The following SAMD3 variants were observed in gnomAD, a reference collection of about 807,000 sequenced individuals.
The protein encoded by SAMD3 is sterile alpha motif domain-containing protein 3.
Under a neutral mutation model 58.5 loss-of-function variants are expected in SAMD3, and 63 were observed. The ratio of observed to expected loss-of-function variants is 1.08; its 90% CI spans 0.88 to 1.33. The LOEUF is 1.33. Ranked by LOEUF, SAMD3 falls within the 40% of genes most tolerant of loss-of-function variation. The probability of loss-of-function intolerance (pLI) is 0.00; values close to 1 mark genes in which losing one functional copy is unlikely to be tolerated. For missense variants in SAMD3, 604 were observed against 608.4 expected (o/e 0.99, Z 0.08); for synonymous variants, 220 against 210.3 (o/e 1.05, Z -0.40).
intron 5 of SAMD3, among the ~76,000 whole-genome samples, chr6:130,195,306 C>A (rs551256019): frequency 6.6e-6 from 1 of 152,242 alleles, no homozygotes; most frequent in South Asian, 2.1e-4. Context: ...AACCTAATCA[C>A]CTTTGCCCTG....
At chr6:130,151,725 G>A (rs1222609878) in intron 9 of SAMD3, among the ~76,000 whole-genome samples, 1 of 152,204 alleles carries the variant, frequency 6.6e-6, no homozygotes, top group African/African-American at 2.4e-5. Context: ...ACAGGCATGA[G>A]CCACCATGCC....
chr6:130,327,908 A>G (rs1163234162), intron 1 of SAMD3, among the ~76,000 whole-genome samples: 5 of 152,344 alleles, frequency 3.3e-5, no homozygotes, highest in South Asian at 2.1e-4. Flanking sequence ...TTAATTAAAA[A>G]GCATTTTTTC....
upstream of SAMD3, chr6:130,365,597 A>T (rs937408481): frequency 6.1e-6 from 6 of 985,278 alleles, no homozygotes; most frequent in African/African-American, 1.0e-4. Flanking sequence ...GCTCCGGAGA[A>T]CTGGGGGAGC....
Position 130,215,697 on chromosome 6 carries a change from T to A in SAMD3, c.-21-403A>T, listed in dbSNP as rs890368860. The A allele has an allele frequency of 4.1e-6, 6 of 1,450,606 alleles. No homozygotes were observed. In the Admixed American group the frequency reaches 1.5e-4, roughly 37 times the overall value. 89.9% of individuals were successfully genotyped at this position (1,450,606 alleles called of 1,614,324 possible). A position where few individuals can be genotyped will look rare whatever the true frequency, so the allele number is the denominator to read the frequency against. On this transcript the variant is annotated intron_variant, in intron 2 of 11. Coordinates refer to ENST00000439090, the MANE Select transcript of SAMD3 (RefSeq NM_001017373.4). ...AGGCTCCTCAGGAAGTGGTTGACAT[T>A]TACAGAAGGGGTGGGCAGGAGAGGA... is the stretch of plus-strand genomic sequence containing the variant.
chr6:130,248,697 G>A (rs1357272681), intron 2 of SAMD3, among the ~76,000 whole-genome samples: 1 of 152,152 alleles, frequency 6.6e-6, no homozygotes, highest in African/African-American at 2.4e-5. Context: ...AATTAGTGCT[G>A]ACCGAAACCA....
At chr6:130,327,213 G>A (rs1325476918) in intron 1 of SAMD3, among the ~76,000 whole-genome samples, 2 of 152,064 alleles carry the variant, frequency 1.3e-5, no homozygotes, top group Non-Finnish European at 2.9e-5. Flanking sequence ...TGAAAAATAA[G>A]CATTGGCATG....
In SAMD3 at chr6:130,228,542, G is replaced by A. The variant is rs150390595; in HGVS notation, c.-187-5729C>T. On this transcript the variant is annotated intron_variant, in intron 2 of 13. Transcript: ENST00000368134. ...AGCTTCCATATCTGTCCAATTACATGAGCATTTCAAGAGGGTGGGTCATAG... is the reference window on the plus strand; with the variant it reads ...AGCTTCCATATCTGTCCAATTACATAAGCATTTCAAGAGGGTGGGTCATAG... 3.9e-5 allele frequency among the ~76,000 whole-genome samples: 6 copies of A among 152,266 alleles called. No individual in the cohort carries two copies. In the East Asian group the frequency reaches 1.2e-3, roughly 29 times the overall value.
At chr6:130,352,441 A>G (rs571669577) in intron 1 of SAMD3, among the ~76,000 whole-genome samples, 22 of 152,220 alleles carry the variant, frequency 1.4e-4, no homozygotes, top group Non-Finnish European at 2.2e-4. Context: ...CTTACTATCA[A>G]TAAAATATCA....
At chr6:130,269,086 C>T (rs1405161766) in intron 2 of SAMD3, among the ~76,000 whole-genome samples, 1 of 152,072 alleles carries the variant, frequency 6.6e-6, no homozygotes. Context: ...AATTCTTATA[C>T]TCTTAACTTT....
intron 7 of SAMD3, chr6:130,183,626 AACTTTAT>A: frequency 3.1e-6 from 1 of 324,296 alleles, no homozygotes; most frequent in Non-Finnish European, 6.0e-6. Flanking sequence ...CAATTTTAGC[AACTTTAT>A]ATGCTTGTGC....
intron 2 of SAMD3, among the ~76,000 whole-genome samples, chr6:130,302,112 CACAGCAA>C (rs1775766508): frequency 6.6e-6 from 1 of 152,074 alleles, no homozygotes; most frequent in Non-Finnish European, 1.5e-5. Flanking sequence ...AGAGCTTCTG[CACAGCAA>C]ACAATAAACA....
intron 2 of SAMD3, among the ~76,000 whole-genome samples, chr6:130,239,194 G>C (rs554381726): frequency 6.6e-6 from 1 of 152,146 alleles, no homozygotes; most frequent in African/African-American, 2.4e-5. Flanking sequence ...CAGCTACCTT[G>C]CAAATGGAGA....
At chr6:130,297,843 A>T (rs1478984203) in intron 2 of SAMD3, among the ~76,000 whole-genome samples, 1 of 152,198 alleles carries the variant, frequency 6.6e-6, no homozygotes, top group Non-Finnish European at 1.5e-5. Flanking sequence ...AAGAAAACAG[A>T]ATTTTAAAAA....
chr6:130,335,219 T>C (rs1777063997), intron 1 of SAMD3, among the ~76,000 whole-genome samples: 1 of 152,198 alleles, frequency 6.6e-6, no homozygotes, highest in Non-Finnish European at 1.5e-5. Flanking sequence ...TCTCCCTGTA[T>C]GAGTAGGTTC....
intron 2 of SAMD3, among the ~76,000 whole-genome samples, chr6:130,269,315 A>T (rs1462070280): frequency 1.3e-5 from 2 of 152,272 alleles, no homozygotes; most frequent in African/African-American, 4.8e-5. Context: ...AATGTTTGGT[A>T]GAATAATCAA....
At chr6:130,295,427 A>G (rs1215706942) in intron 2 of SAMD3, among the ~76,000 whole-genome samples, 1 of 152,108 alleles carries the variant, frequency 6.6e-6, no homozygotes, top group Non-Finnish European at 1.5e-5. Context: ...CACTAGATAA[A>G]TTGCATCCTA....
chr6:130,211,101 C>T (rs1795510862), intron 4 of SAMD3, among the ~76,000 whole-genome samples: 1 of 151,844 alleles, frequency 6.6e-6, no homozygotes, highest in Admixed American at 6.6e-5. Context: ...GCCTGGGTGA[C>T]AAAGCCAGAC....
At chr6:130,357,448 A>G (rs1365149964) in intron 1 of SAMD3, among the ~76,000 whole-genome samples, 1 of 152,170 alleles carries the variant, frequency 6.6e-6, no homozygotes, top group Non-Finnish European at 1.5e-5. Flanking sequence ...TCAGTTAAAA[A>G]AAATCTCCCT....
chr6:130,285,055 A>G (rs1225713522), intron 2 of SAMD3, among the ~76,000 whole-genome samples: 1 of 152,232 alleles, frequency 6.6e-6, no homozygotes, highest in Non-Finnish European at 1.5e-5. Context: ...TGATTTATAC[A>G]TTCAGTTAGT....
Sources: gnomAD v4.1 joint callset for allele counts (sites outside exome capture counted in the v4.1 genomes callset) on GRCh38, gnomAD v4.1.1 for gene constraint, MANE v1.5 for transcripts, NCBI Gene and HGNC (gene_info 2026-07-23, HGNC 2026-07-21) for gene names.